CFAP299: variants seen among roughly 807,000 people sequenced by gnomAD.
CFAP299 encodes cilia- and flagella-associated protein 299.
Under a neutral mutation model 27.0 loss-of-function variants are expected in CFAP299, and 21 were observed. The ratio of observed to expected loss-of-function variants is 0.78; its 90% CI spans 0.55 to 1.12. The LOEUF is 1.12. Among genes scored for constraint, CFAP299 ranks in the 50% most tolerant of loss-of-function variants. The pLI is 0.00. For synonymous variants in CFAP299, 104 were observed against 98.1 expected (o/e 1.06, Z -0.36); for missense variants, 310 against 276.6 (o/e 1.12, Z -0.86).
At chr4:80,800,648 AATATATATATGAT>A (rs1414515527) in intron 3 of CFAP299, among the ~76,000 whole-genome samples, 1 of 98,824 alleles carries the variant, frequency 1.0e-5, no homozygotes, top group Admixed American at 1.7e-4. Context: ...ATAATATATT[AATATATATATGAT>A]ATATTAATAT....
At chr4:80,670,980 G>T (rs2109993072) in intron 3 of CFAP299, among the ~76,000 whole-genome samples, 1 of 152,308 alleles carries the variant, frequency 6.6e-6, no homozygotes, top group Admixed American at 6.5e-5. Flanking sequence ...CTGAGCAGAA[G>T]CTCTTTAGTT....
chr4:80,699,219 C>T (rs1053770203), intron 3 of CFAP299, among the ~76,000 whole-genome samples: 13 of 152,098 alleles, frequency 8.5e-5, no homozygotes, highest in African/African-American at 2.9e-4. Context: ...CAAGTATTGT[C>T]TCAGATGTAC....
At chr4:80,572,060 G>T (rs1735606349) in intron 2 of CFAP299, among the ~76,000 whole-genome samples, 1 of 151,994 alleles carries the variant, frequency 6.6e-6, no homozygotes, top group Non-Finnish European at 1.5e-5. Flanking sequence ...ATGTTTGTGG[G>T]TACACAGGGT....
At chr4:80,757,168 T>G (rs1725282055) in intron 3 of CFAP299, among the ~76,000 whole-genome samples, 1 of 152,138 alleles carries the variant, frequency 6.6e-6, no homozygotes, top group African/African-American at 2.4e-5. Context: ...TTTCTTTTGT[T>G]CTGGTAAGTC....
At position 80,691,806 on chromosome 4, in the gene CFAP299, G is replaced by T. The variant is rs544973263; in HGVS notation, c.333+108623G>T. On this transcript the variant is annotated intron_variant, in intron 3 of 5. Coordinates refer to ENST00000358105, the MANE Select transcript of CFAP299 (RefSeq NM_152770.3). ...ATATCTAGAAAACCCCATTGTCTCA[G>T]CCCAAAATCTCTTTAAGCTGATAAG... 3.9e-3 allele frequency among the ~76,000 whole-genome samples: 599 copies of T among 152,290 alleles called. 5 individuals are homozygous for T. The highest frequency in any genetic ancestry group is 0.014 in the African/African-American group (568 of 41,560).
At chr4:80,596,037 T>G (rs1248521147) in intron 3 of CFAP299, among the ~76,000 whole-genome samples, 1 of 152,142 alleles carries the variant, frequency 6.6e-6, no homozygotes, top group Non-Finnish European at 1.5e-5. Flanking sequence ...ATGAAAGATC[T>G]TATTTTATAT....
intron 3 of CFAP299, among the ~76,000 whole-genome samples, chr4:80,754,570 G>A (rs1725127315): frequency 6.6e-6 from 1 of 151,524 alleles, no homozygotes; most frequent in Admixed American, 6.6e-5. Flanking sequence ...TTTTTTTACA[G>A]TGGTTGCTCT....
chr4:80,374,283 T>C (rs1451882977), intron 2 of CFAP299, among the ~76,000 whole-genome samples: 1 of 152,200 alleles, frequency 6.6e-6, no homozygotes, highest in Non-Finnish European at 1.5e-5. Flanking sequence ...CTAGGTCTTG[T>C]AGTATATGTG....
At chr4:80,782,419 C>G (rs950552279) in intron 3 of CFAP299, among the ~76,000 whole-genome samples, 2 of 150,468 alleles carry the variant, frequency 1.3e-5, no homozygotes, top group Non-Finnish European at 3.0e-5. Context: ...CAGCTTAAGA[C>G]AGCTTGAGTT....
At chr4:80,369,056 A>C (rs147716974) in intron 2 of CFAP299, among the ~76,000 whole-genome samples, 271 of 152,334 alleles carry the variant, frequency 1.8e-3, no homozygotes, top group African/African-American at 6.0e-3. Context: ...AGAGCTCCAC[A>C]GTACAAGTTA....
At chr4:80,881,961 G>C (rs1252453159) in intron 4 of CFAP299, among the ~76,000 whole-genome samples, 1 of 151,798 alleles carries the variant, frequency 6.6e-6, no homozygotes, top group African/African-American at 2.4e-5. Flanking sequence ...TAACCAAAAT[G>C]AAAAATTTAC....
intron 3 of CFAP299, among the ~76,000 whole-genome samples, chr4:80,713,548 C>T (rs929430588): frequency 1.3e-4 from 20 of 152,308 alleles, no homozygotes; most frequent in African/African-American, 4.1e-4. Context: ...CATCAGTAGC[C>T]ATCAGAATTT....
chr4:80,529,840 A>G lies in CFAP299; in HGVS notation c.243-53253A>G, dbSNP rs374967254. Among the ~76,000 whole-genome samples the G allele has an allele frequency of 2.8e-4, 43 of 152,200 alleles. 1 individual carries two copies. The East Asian group carries it at 7.3e-3, about 26-fold the overall frequency. On this transcript the variant is annotated intron_variant, in intron 2 of 5. Transcript: ENST00000358105. ...TCTCTCCATACCTAGTAGGTAACAC[A>G]TCAAATCTGCAAGCTTAAGGAAGGA...
intron 3 of CFAP299, among the ~76,000 whole-genome samples, chr4:80,859,779 G>A (rs116091548): frequency 0.12 from 18,941 of 152,056 alleles, 1,358 homozygotes; most frequent in Middle Eastern, 0.25. Context: ...TGAGAAATCC[G>A]CTTGTTAGTC....
chr4:80,644,022 A>G (rs1739859641), intron 3 of CFAP299, among the ~76,000 whole-genome samples: 1 of 152,206 alleles, frequency 6.6e-6, no homozygotes, highest in African/African-American at 2.4e-5. Flanking sequence ...ATAGCAAAGT[A>G]GTTGAATGCA....
At chr4:80,339,259 C>T (rs1365527103) in intron 1 of CFAP299, among the ~76,000 whole-genome samples, 1 of 152,192 alleles carries the variant, frequency 6.6e-6, no homozygotes, top group East Asian at 1.9e-4. Context: ...CCCAAGGATG[C>T]TTCACGATCC....
chr4:80,492,270 A>T (rs1731176155), intron 2 of CFAP299, among the ~76,000 whole-genome samples: 2 of 152,146 alleles, frequency 1.3e-5, no homozygotes, highest in South Asian at 4.1e-4. Context: ...TGTTCTCAGG[A>T]CGGACTTCCT....
chr4:80,524,826 T>C (rs536019821), intron 2 of CFAP299, among the ~76,000 whole-genome samples: 1 of 152,300 alleles, frequency 6.6e-6, no homozygotes, highest in South Asian at 2.1e-4. Context: ...GTTTCTGTTG[T>C]CAGGATTCTG....
chr4:80,406,112 A>T (rs943395393), intron 2 of CFAP299, among the ~76,000 whole-genome samples: 3 of 152,196 alleles, frequency 2.0e-5, no homozygotes, highest in Admixed American at 6.6e-5. Flanking sequence ...ATGATTTTTG[A>T]TAGAAATAAA....
Sources: allele counts gnomAD v4.1 joint callset (sites outside exome capture counted in the v4.1 genomes callset), GRCh38; gene constraint gnomAD v4.1.1; transcripts MANE v1.5; gene names NCBI Gene and HGNC (gene_info 2026-07-23, HGNC 2026-07-21).